The following RNF17 variants were observed in gnomAD, a reference collection of about 807,000 sequenced individuals.
RNF17 encodes the protein spermatogenesis associated 23.
RNF17 carries 31 observed loss-of-function variants against 200.5 expected under a neutral mutation model. The observed-to-expected ratio is 0.15, with a 90% confidence interval of 0.12 to 0.21. The LOEUF is 0.21. RNF17 is among the 10% of genes least tolerant of loss of function. The probability of loss-of-function intolerance (pLI) is 1.00; values close to 1 mark genes in which losing one functional copy is unlikely to be tolerated. For synonymous variants in RNF17, 606 were observed against 637.8 expected (o/e 0.95, Z 0.75); for missense variants, 1,628 against 1,905.1 (o/e 0.85, Z 2.71).
chr13:24,777,133 C>T (rs181805435), intron 3 of RNF17, among the ~76,000 whole-genome samples: 1 of 152,290 alleles, frequency 6.6e-6, no homozygotes, highest in African/African-American at 2.4e-5. Flanking sequence ...ATCCTTGACT[C>T]ATTTACTGAT....
downstream of RNF17, chr13:24,882,147 TATAG>T (rs1286357052): frequency 1.5e-3 from 4 of 2,618 alleles, no homozygotes; most frequent in East Asian, 2.9e-3. Context: ...GATACATCTA[TATAG>T]ATAGATACAT....
intron 25 of RNF17, among the ~76,000 whole-genome samples, chr13:24,856,210 A>G (rs1892474282): frequency 1.3e-5 from 2 of 152,116 alleles, no homozygotes; most frequent in African/African-American, 4.8e-5. Flanking sequence ...TCACAAAGTC[A>G]GGAGTTTCAG....
the RNF17 span, among the ~76,000 whole-genome samples, chr13:24,753,212 A>T: frequency 6.6e-6 from 1 of 152,196 alleles, no homozygotes; most frequent in East Asian, 1.9e-4. Context: ...AAATCAGATG[A>T]CTAATATTTG....
At chr13:24,784,129 T>C (rs1194719940) in intron 6 of RNF17, among the ~76,000 whole-genome samples, 1 of 152,212 alleles carries the variant, frequency 6.6e-6, no homozygotes, top group African/African-American at 2.4e-5. Context: ...CCACTTGGGC[T>C]TTTTGCTTTT....
At chr13:24,761,200 C>T (rs1433749459), upstream of RNF17, among the ~76,000 whole-genome samples, 1 of 151,786 alleles carries the variant, frequency 6.6e-6, no homozygotes, top group Non-Finnish European at 1.5e-5. Context: ...TAATCCCACT[C>T]TTATGGTGGG....
At chr13:24,749,303 C>CTTTTT in the RNF17 span, among the ~76,000 whole-genome samples, 14 of 31,968 alleles carry the variant, frequency 4.4e-4, no homozygotes, top group South Asian at 0.01. Context: ...TTCTTTCTTT[C>CTTTTT]TTTCTTTTTT....
chr13:24,825,347 CAGTG>C (rs1419037321), intron 15 of RNF17, among the ~76,000 whole-genome samples: 4 of 152,088 alleles, frequency 2.6e-5, no homozygotes, highest in Admixed American at 6.5e-5. Context: ...AAAACATATA[CAGTG>C]AGTGTGTGTA....
At chr13:24,848,419 T>C (rs1353019865) in intron 22 of RNF17, among the ~76,000 whole-genome samples, 1 of 152,196 alleles carries the variant, frequency 6.6e-6, no homozygotes, top group African/African-American at 2.4e-5. Context: ...CCCAGCACTT[T>C]GGGAGGCTGA....
At chr13:24,800,291 C>T in intron 12 of RNF17, 75 bp from the exon 13 acceptor site, 1 of 989,952 alleles carries the variant, frequency 1.0e-6, no homozygotes, top group Middle Eastern at 2.4e-4. Flanking sequence ...CTTAGAAATG[C>T]ATACCTTCTG....
chr13:24,795,424 C>CG (rs1884445617), intron 10 of RNF17, among the ~76,000 whole-genome samples: 1 of 137,564 alleles, frequency 7.3e-6, no homozygotes, highest in East Asian at 2.1e-4. Flanking sequence ...GCGGGGGTGT[C>CG]TTTTTTTTTT....
intron 15 of RNF17, 118 bp from the exon 16 acceptor site, chr13:24,825,501 T>G: frequency 2.8e-6 from 2 of 724,078 alleles, no homozygotes; most frequent in Middle Eastern, 4.1e-4. Context: ...AATTGATAGA[T>G]TTACATTCAA....
At chr13:24,800,708 GA>G (rs1374274555) in intron 13 of RNF17, among the ~76,000 whole-genome samples, 174 bp downstream of exon 13, 4 of 152,126 alleles carry the variant, frequency 2.6e-5, no homozygotes, top group African/African-American at 9.7e-5. Flanking sequence ...TTCCACAATT[GA>G]AAACATTTTT....
At chr13:24,837,451 C>T (rs1258097258) in intron 18 of RNF17, among the ~76,000 whole-genome samples, 1 of 151,642 alleles carries the variant, frequency 6.6e-6, no homozygotes, top group African/African-American at 2.4e-5. Flanking sequence ...ATTTCTAAGA[C>T]CATATGACCT....
chr13:24,765,504 T>A (rs1879541647), intron 1 of RNF17, among the ~76,000 whole-genome samples: 1 of 152,230 alleles, frequency 6.6e-6, no homozygotes, highest in Admixed American at 6.5e-5. Flanking sequence ...CTGTGAGATG[T>A]GAGCCTCTGC....
chr13:24,882,199 C>T (rs1341747602), downstream of RNF17: 2 of 17,582 alleles, frequency 1.1e-4, 1 homozygote, highest in African/African-American at 4.3e-4. Flanking sequence ...TATATAGATA[C>T]ATCTATATAG....
At chr13:24,836,985 A>G (rs904529954) in intron 18 of RNF17, among the ~76,000 whole-genome samples, 2 of 152,156 alleles carry the variant, frequency 1.3e-5, no homozygotes, top group African/African-American at 2.4e-5. Context: ...GGAGACTCAC[A>G]TAACACATAA....
At chr13:24,752,125 C>T in the RNF17 span, 1 of 152,360 alleles carries the variant, frequency 6.6e-6, no homozygotes, top group African/African-American at 2.4e-5. Context: ...AATGTACTCT[C>T]ATTATAGGAC....
At chr13:24,821,385 G>T (rs1888033904) in intron 15 of RNF17, among the ~76,000 whole-genome samples, 1 of 152,138 alleles carries the variant, frequency 6.6e-6, no homozygotes, top group South Asian at 2.1e-4. Context: ...TCTTGGATTT[G>T]TAGGTTCATG....
chr13:24,884,886 G>C (rs7992931), downstream of RNF17, among the ~76,000 whole-genome samples: 3,057 of 152,246 alleles, frequency 0.02, 106 homozygotes, highest in African/African-American at 0.071. Flanking sequence ...CCTCTAACCT[G>C]TATATATCCC....
Sources: allele counts gnomAD v4.1 joint callset (sites outside exome capture counted in the v4.1 genomes callset), GRCh38; gene constraint gnomAD v4.1.1; transcripts MANE v1.5; gene names NCBI Gene and HGNC (gene_info 2026-07-23, HGNC 2026-07-21).